The following CEP85L variants were observed in gnomAD, a reference collection of about 807,000 sequenced individuals.
CEP85L encodes the protein centrosomal protein 85L, also known as centrosomal protein of 85 kDa-like.
A neutral mutation model predicts 100.3 loss-of-function variants in CEP85L; 60 were observed. That is an observed-to-expected ratio of 0.60 (90% CI 0.49 to 0.74). The LOEUF is 0.74. Ranked by LOEUF, CEP85L falls within the 30% of genes least tolerant of loss-of-function variation. The pLI, the probability that CEP85L is intolerant of heterozygous loss-of-function variation, is 0.00. For synonymous variants in CEP85L, 319 were observed against 322.7 expected (o/e 0.99, Z 0.12); for missense variants, 973 against 936.2 (o/e 1.04, Z -0.51).
intron 6 of CEP85L, among the ~76,000 whole-genome samples, chr6:118,489,271 CAA>C (rs371393488): frequency 3.9e-5 from 5 of 127,326 alleles, no homozygotes; most frequent in Admixed American, 8.0e-5. Context: ...AGCTCTGTCT[CAA>C]AAAAAAAAAA....
intron 3 of CEP85L, chr6:118,537,916 C>T (rs1206786652): frequency 1.0e-6 from 1 of 984,468 alleles, no homozygotes; most frequent in African/African-American, 1.7e-5. Context: ...AGATACTCTA[C>T]AAGTGTTTTC....
At chr6:118,562,143 G>A (rs943270236) in intron 3 of CEP85L, among the ~76,000 whole-genome samples, 23 of 152,144 alleles carry the variant, frequency 1.5e-4, no homozygotes, top group Non-Finnish European at 2.9e-4. Context: ...AATATAGGGA[G>A]TGTCATAGTG....
At chr6:118,656,625 A>G (rs1291700567), upstream of CEP85L, 5 of 152,148 alleles carry the variant, frequency 3.3e-5, no homozygotes, top group Non-Finnish European at 5.9e-5. Flanking sequence ...CTTTTTATTT[A>G]ATTTTATTTT....
chr6:118,707,395 T>C (rs556229319), intron 1 of CEP85L, among the ~76,000 whole-genome samples: 23 of 151,928 alleles, frequency 1.5e-4, no homozygotes, highest in East Asian at 1.4e-3. Context: ...AATTTTGCCA[T>C]GTTGCCCAGG....
Position 118,651,242 on chromosome 6 carries a change from C to T in CEP85L, c.28G>A (p.Ala10Thr). MWGRFLAPE[A>T]SGRDSPGGAR... ...CCGCCGGGGCTATCCCGGCCGCTGG[C>T]CTCCGGAGCCAGGAAGCGCCCCCAC... The change falls in exon 1 of 13, where the codon GCC (alanine) becomes ACC (threonine). Residue 10 changes from alanine to threonine, a missense_variant. By Grantham distance (58) the Ala-to-Thr change is moderately conservative. Transcript: ENST00000368491. 6.7e-7 allele frequency: 1 copy of T among 1,494,316 alleles called. No individual in the cohort carries two copies. The highest frequency in any genetic ancestry group is 2.2e-5 in the Admixed American group (1 of 46,312). The allele number at this position is 1,494,316 out of a possible 1,614,324, so 92.6% of individuals were successfully genotyped here.
At chr6:118,533,647 G>GA (rs1777419089) in intron 3 of CEP85L, among the ~76,000 whole-genome samples, 1 of 151,892 alleles carries the variant, frequency 6.6e-6, no homozygotes, top group Admixed American at 6.6e-5. Context: ...AAGACAGTAG[G>GA]AAAAAAGAAA....
chr6:118,568,468 G>A (rs958973729), intron 2 of CEP85L, among the ~76,000 whole-genome samples: 2 of 152,176 alleles, frequency 1.3e-5, no homozygotes, highest in Non-Finnish European at 2.9e-5. Flanking sequence ...ATAAATCCAT[G>A]TATCTACAGT....
intron 3 of CEP85L, among the ~76,000 whole-genome samples, chr6:118,546,341 T>C (rs1183352109): frequency 6.6e-6 from 1 of 152,162 alleles, no homozygotes; most frequent in African/African-American, 2.4e-5. Flanking sequence ...AGTAAACTTA[T>C]AAACATGTGG....
chr6:118,615,870 T>C (rs571386594), intron 2 of CEP85L, among the ~76,000 whole-genome samples: 3 of 152,340 alleles, frequency 2.0e-5, no homozygotes, highest in Admixed American at 6.5e-5. Context: ...TTCGCAGTGA[T>C]AGAACGACTA....
chr6:118,682,879 A>G (rs930883869), intron 1 of CEP85L, among the ~76,000 whole-genome samples: 3 of 152,040 alleles, frequency 2.0e-5, no homozygotes, highest in Admixed American at 6.6e-5. Context: ...CACAGCCCCA[A>G]TATGGAAATG....
intron 3 of CEP85L, among the ~76,000 whole-genome samples, chr6:118,529,945 A>C (rs1342856467): frequency 1.3e-5 from 2 of 152,168 alleles, no homozygotes; most frequent in African/African-American, 2.4e-5. Flanking sequence ...CTTGCAAACT[A>C]TGTTCTTGCA....
intron 2 of CEP85L, among the ~76,000 whole-genome samples, chr6:118,630,552 G>A (rs1012083713): frequency 5.9e-5 from 9 of 152,210 alleles, no homozygotes; most frequent in Non-Finnish European, 1.3e-4. Flanking sequence ...TTCAGTAGGT[G>A]AATGTTGATA....
At chr6:118,657,555 G>A (rs1775839754) in intron 1 of CEP85L, among the ~76,000 whole-genome samples, 1 of 152,204 alleles carries the variant, frequency 6.6e-6, no homozygotes. Context: ...AGGAGGCAGA[G>A]GTTGCAGCCA....
At chr6:118,682,988 G>A (rs1000094090) in intron 1 of CEP85L, among the ~76,000 whole-genome samples, 4 of 152,150 alleles carry the variant, frequency 2.6e-5, no homozygotes, top group Admixed American at 2.6e-4. Context: ...GCCAAACCAG[G>A]AGATATGGCC....
At chr6:118,582,562 C>T (rs912642422) in intron 2 of CEP85L, among the ~76,000 whole-genome samples, 2 of 152,148 alleles carry the variant, frequency 1.3e-5, no homozygotes, top group Non-Finnish European at 2.9e-5. Context: ...CAGCGGACAA[C>T]CCTGATTGGA....
intron 4 of CEP85L, among the ~76,000 whole-genome samples, chr6:118,522,178 T>G (rs1056392014): frequency 6.6e-6 from 1 of 151,930 alleles, no homozygotes; most frequent in Admixed American, 6.6e-5. Context: ...CTGACCAACA[T>G]AGAGAAACCC....
intron 6 of CEP85L, among the ~76,000 whole-genome samples, chr6:118,489,940 CAT>C (rs989427655): frequency 6.6e-5 from 10 of 151,868 alleles, no homozygotes; most frequent in South Asian, 2.1e-4. Context: ...CACACACACA[CAT>C]ATATACACAT....
At chr6:118,579,175 T>C (rs1370706400) in intron 2 of CEP85L, among the ~76,000 whole-genome samples, 1 of 152,146 alleles carries the variant, frequency 6.6e-6, no homozygotes, top group African/African-American at 2.4e-5. Context: ...GGATTACAGG[T>C]GTGAGCCACC....
chr6:118,469,455 G>A, intron 11 of CEP85L, 152 bp from the exon 12 acceptor site: 6 of 591,920 alleles, frequency 1.0e-5, no homozygotes, highest in South Asian at 4.5e-5. Flanking sequence ...TATATGCAGT[G>A]GGAAAAAAAA....
Sources: gnomAD v4.1 joint callset for allele counts (sites outside exome capture counted in the v4.1 genomes callset) on GRCh38, gnomAD v4.1.1 for gene constraint, MANE v1.5 for transcripts, NCBI Gene and HGNC (gene_info 2026-07-23, HGNC 2026-07-21) for gene names.